The following ASIP variants were observed in gnomAD, a reference collection of about 807,000 sequenced individuals.
The protein encoded by ASIP is agouti-signaling protein.
ASIP carries 11 observed loss-of-function variants against 10.3 expected under a neutral mutation model. The observed-to-expected ratio is 1.07, with a 90% CI of 0.68 to 1.78. The LOEUF (loss-of-function observed/expected upper bound fraction) is 1.78, where lower values mean the gene tolerates loss of function less well. Ranked by LOEUF, ASIP falls within the 40% of genes most tolerant of loss-of-function variation. The pLI is 0.00. For synonymous variants in ASIP, 70 were observed against 70.8 expected (o/e 0.99, Z 0.06); for missense variants, 180 against 169.2 (o/e 1.06, Z -0.35).
chr20:34,263,303 G>A (rs531679252), intron 3 of ASIP, among the ~76,000 whole-genome samples: 19 of 152,252 alleles, frequency 1.2e-4, no homozygotes, highest in Middle Eastern at 3.4e-3. Context: ...GGTGGCTCAC[G>A]CCTATAATCC....
At chr20:34,216,391 T>C (rs1042155151) in intron 1 of ASIP, among the ~76,000 whole-genome samples, 2 of 152,238 alleles carry the variant, frequency 1.3e-5, no homozygotes, top group African/African-American at 4.8e-5. Context: ...TGTCTATTTC[T>C]TATTTATTCC....
intron 1 of ASIP, among the ~76,000 whole-genome samples, chr20:34,219,381 C>A (rs2035030488): frequency 6.6e-6 from 1 of 152,026 alleles, no homozygotes; most frequent in African/African-American, 2.4e-5. Flanking sequence ...TATTGTTATC[C>A]CCATTTTTAA....
chr20:34,190,576 T>C (rs1285385913), upstream of ASIP, among the ~76,000 whole-genome samples: 1 of 152,200 alleles, frequency 6.6e-6, no homozygotes. Flanking sequence ...TAGATATCTA[T>C]ATTTCAGTGT....
intron 1 of ASIP, among the ~76,000 whole-genome samples, chr20:34,198,637 C>T: frequency 6.6e-6 from 1 of 151,944 alleles, no homozygotes; most frequent in Non-Finnish European, 1.5e-5. Flanking sequence ...AGGCACATAC[C>T]ACCATGCCCA....
chr20:34,245,265 C>T (rs1366202347), intron 1 of ASIP, among the ~76,000 whole-genome samples: 1 of 134,332 alleles, frequency 7.4e-6, no homozygotes, highest in Non-Finnish European at 1.5e-5. Flanking sequence ...ACCTGGGAGG[C>T]GGAGGTGGCA....
intron 1 of ASIP, among the ~76,000 whole-genome samples, chr20:34,244,862 A>G (rs76261313): frequency 1.3e-5 from 2 of 152,344 alleles, no homozygotes; most frequent in Non-Finnish European, 2.9e-5. Context: ...TGAACCACAA[A>G]TTTATTAGAT....
intron 1 of ASIP, chr20:34,234,852 C>G (rs1431837401): frequency 6.6e-6 from 1 of 152,190 alleles, no homozygotes; most frequent in Non-Finnish European, 1.5e-5. Flanking sequence ...TACTGTAAAA[C>G]AGTATGTCAT....
chr20:34,215,373 A>G (rs2035000633), intron 1 of ASIP: 4 of 1,572,914 alleles, frequency 2.5e-6, no homozygotes, highest in Non-Finnish European at 3.5e-6. Flanking sequence ...CCCTCATGGT[A>G]TCTTTTATGA....
chr20:34,246,215 G>T, intron 1 of ASIP: 1 of 1,463,040 alleles, frequency 6.8e-7, no homozygotes, highest in Middle Eastern at 1.8e-4. Context: ...TTGTGGTATG[G>T]TCTTCTTTTT....
chr20:34,225,742 A>G (rs1181824666), intron 1 of ASIP, among the ~76,000 whole-genome samples: 1 of 152,062 alleles, frequency 6.6e-6, no homozygotes, highest in Non-Finnish European at 1.5e-5. Flanking sequence ...ATAAGTTCTC[A>G]TAATTGCTTG....
chr20:34,239,512 T>A (rs1246126360), upstream of ASIP, among the ~76,000 whole-genome samples: 1 of 152,192 alleles, frequency 6.6e-6, no homozygotes, highest in Admixed American at 6.5e-5. Context: ...ACTTGGTGGG[T>A]CATATAATGA....
intron 1 of ASIP, among the ~76,000 whole-genome samples, chr20:34,252,880 A>G (rs1460443459): frequency 1.3e-5 from 2 of 152,208 alleles, no homozygotes; most frequent in Admixed American, 1.3e-4. Flanking sequence ...GACTTTTACC[A>G]GGCATACTGC....
At chr20:34,257,904 G>A (rs557988235) in intron 1 of ASIP, among the ~76,000 whole-genome samples, 5 of 152,322 alleles carry the variant, frequency 3.3e-5, no homozygotes, top group African/African-American at 9.6e-5. Context: ...AGCACTTTGG[G>A]AAGCCAAGGC....
At chr20:34,267,219 CAATA>C (rs1273154886) in intron 3 of ASIP, among the ~76,000 whole-genome samples, 1 of 151,906 alleles carries the variant, frequency 6.6e-6, no homozygotes, top group Non-Finnish European at 1.5e-5. Flanking sequence ...GCAAGTAAAT[CAATA>C]AATAGGTAAA....
chr20:34,239,758 C>A (rs1227618798), upstream of ASIP, among the ~76,000 whole-genome samples: 1 of 152,164 alleles, frequency 6.6e-6, no homozygotes, highest in Non-Finnish European at 1.5e-5. Flanking sequence ...CTCTACAAAT[C>A]ACCAAAAGAA....
intron 1 of ASIP, chr20:34,215,238 T>C (rs1426661486): frequency 1.3e-6 from 2 of 1,573,516 alleles, no homozygotes; most frequent in African/African-American, 1.4e-5. Flanking sequence ...CTAAAAGGGA[T>C]AAGTCAATCC....
At chr20:34,239,368 C>G (rs2035253460), upstream of ASIP, among the ~76,000 whole-genome samples, 1 of 152,136 alleles carries the variant, frequency 6.6e-6, no homozygotes, top group African/African-American at 2.4e-5. Context: ...AGGCACCTGC[C>G]ACCACACCTG....
chr20:34,189,548 C>T, the ASIP span, among the ~76,000 whole-genome samples: 1 of 152,204 alleles, frequency 6.6e-6, no homozygotes, highest in African/African-American at 2.4e-5. Flanking sequence ...GGCCCTGCTC[C>T]CCCTAAGTAT....
In ASIP at chr20:34,269,163, G is replaced by T; in HGVS notation, c.395G>T (p.Cys132Phe). 1 of 1,526,392 alleles carries T rather than the reference G, an allele frequency of 6.6e-7. No homozygotes were observed. Among genetic ancestry groups the T allele is most frequent in the Non-Finnish European group, 8.8e-7 (1 of 1,135,382 alleles). The allele number at this position is 1,526,392 out of a possible 1,614,324, so 94.6% of individuals were successfully genotyped here. The part of the protein sequence containing the change: ...ACSCRVLSLN[C>F] The stretch of plus-strand genomic sequence containing the variant: ...TCCTGCCGCGTGCTCAGCCTCAACT[G>T]CTGAGCGCCCCCACTCCCGGCCGCG... Residue 132 changes from cysteine (C) to phenylalanine (F), a missense_variant, in exon 4 of 4, where the codon TGC (cysteine) becomes TTC (phenylalanine). By Grantham distance (205) the Cys-to-Phe change is radical (BLOSUM62 -2). Coordinates refer to ENST00000374954, the MANE Select transcript of ASIP (RefSeq NM_001672.3).
Sources: gnomAD v4.1 joint callset for allele counts (sites outside exome capture counted in the v4.1 genomes callset) on GRCh38, gnomAD v4.1.1 for gene constraint, MANE v1.5 for transcripts, NCBI Gene and HGNC (gene_info 2026-07-23, HGNC 2026-07-21) for gene names.